MAOB: variants seen among roughly 807,000 people sequenced by gnomAD.
MAOB encodes the protein monoamine oxidase B, also known as amine oxidase [flavin-containing] B.
Under a neutral mutation model 41.9 loss-of-function variants are expected in MAOB, and 15 were observed. The observed-to-expected ratio is 0.36, with a 90% CI of 0.24 to 0.55. MAOB has a LOEUF of 0.55. Ranked by LOEUF, MAOB falls within the 20% of genes least tolerant of loss-of-function variation. The pLI is 0.86. For missense variants in MAOB, 345 were observed against 398.7 expected (o/e 0.87, Z 1.15); for synonymous variants, 167 against 144.2 (o/e 1.16, Z -1.13).
chrX:43,815,445 T>C (rs1256030937), intron 3 of MAOB, among the ~76,000 whole-genome samples: 1 of 111,832 alleles, frequency 8.9e-6, no homozygotes, highest in Admixed American at 9.5e-5. Context: ...TATCTACCAG[T>C]GTCAGCTTTT....
chrX:43,825,642 A>G (rs1337724609), intron 3 of MAOB, among the ~76,000 whole-genome samples: 1 of 111,935 alleles, frequency 8.9e-6, no homozygotes, highest in Middle Eastern at 4.2e-3. Context: ...TTATACATGC[A>G]TTTGGGAGAT....
chrX:43,776,738 C>T (rs1376134071), intron 11 of MAOB, among the ~76,000 whole-genome samples: 1 of 105,134 alleles, frequency 9.5e-6, no homozygotes, highest in Non-Finnish European at 2.0e-5. Context: ...TTAGGTATAT[C>T]TCCAAATGCT....
intron 1 of MAOB, among the ~76,000 whole-genome samples, chrX:43,859,574 T>C (rs976794373): frequency 3.6e-5 from 4 of 111,706 alleles, no homozygotes; most frequent in African/African-American, 1.3e-4. Context: ...AACCCGCCTA[T>C]ACACACACCT....
chrX:43,854,855 A>G (rs771020783), intron 1 of MAOB, among the ~76,000 whole-genome samples: 1 of 112,116 alleles, frequency 8.9e-6, no homozygotes, highest in Non-Finnish European at 1.9e-5. Flanking sequence ...CCAAGATTAT[A>G]CAAGTCCTAT....
At chrX:43,768,549 G>C (rs2034140367) in intron 14 of MAOB, 105 bp downstream of exon 14, 2 of 615,923 alleles carry the variant, frequency 3.2e-6, no homozygotes, top group Admixed American at 5.5e-5. Flanking sequence ...TCACTTAGTT[G>C]AATCACTTAG....
chrX:43,841,942 A>T (rs1390548454), intron 2 of MAOB, among the ~76,000 whole-genome samples: 1 of 111,914 alleles, frequency 8.9e-6, no homozygotes. Flanking sequence ...TTAAAGACTT[A>T]AACACGAGAC....
At chrX:43,843,357 T>TCTCA (rs1314609255) in intron 2 of MAOB, among the ~76,000 whole-genome samples, 41 of 83,734 alleles carry the variant, frequency 4.9e-4, no homozygotes, top group African/African-American at 1.8e-3. Context: ...TCTCTCTGTC[T>TCTCA]CACACACACA....
At chrX:43,775,856 T>C (rs2034249051) in intron 11 of MAOB, among the ~76,000 whole-genome samples, 1 of 112,523 alleles carries the variant, frequency 8.9e-6, no homozygotes, top group Non-Finnish European at 1.9e-5. Context: ...CTCAAATGCT[T>C]TTTTAAAGTA....
At chrX:43,815,647 T>C (rs2034803238) in intron 3 of MAOB, among the ~76,000 whole-genome samples, 1 of 112,283 alleles carries the variant, frequency 8.9e-6, no homozygotes, top group African/African-American at 3.2e-5. Context: ...GAGAAGGTAC[T>C]TGAAGCTTAC....
At chrX:43,870,002 A>G (rs1461577365) in intron 1 of MAOB, among the ~76,000 whole-genome samples, 1 of 111,829 alleles carries the variant, frequency 8.9e-6, no homozygotes, top group Non-Finnish European at 1.9e-5. Context: ...TCCATTGTCC[A>G]TTTTTTTTAT....
At chrX:43,839,899 A>G (rs1401201722) in intron 2 of MAOB, among the ~76,000 whole-genome samples, 2 of 112,311 alleles carry the variant, frequency 1.8e-5, no homozygotes, top group East Asian at 5.6e-4. Flanking sequence ...ACTGGGAGAG[A>G]TAAGATGTAC....
intron 3 of MAOB, among the ~76,000 whole-genome samples, chrX:43,828,790 AGCAAGTTGTGTAAAT>A (rs1325037716): frequency 6.3e-5 from 7 of 111,947 alleles, no homozygotes; most frequent in Non-Finnish European, 1.3e-4. Context: ...GGGCATCTTG[AGCAAGTTGTGTAAAT>A]GCCTTGTACT....
chrX:43,835,810 T>C (rs2035066225), intron 3 of MAOB, among the ~76,000 whole-genome samples: 2 of 112,128 alleles, frequency 1.8e-5, no homozygotes, highest in South Asian at 7.5e-4. Context: ...CATGAGCTAC[T>C]GTGCCCTTCC....
intron 5 of MAOB, among the ~76,000 whole-genome samples, chrX:43,798,806 A>G (rs1466687634): frequency 9.0e-6 from 1 of 111,149 alleles, no homozygotes; most frequent in East Asian, 2.8e-4. Context: ...CTCTTTCCAC[A>G]CTCCATTGTC....
At chrX:43,794,146 A>T (rs1447146922) in intron 7 of MAOB, among the ~76,000 whole-genome samples, 1 of 111,785 alleles carries the variant, frequency 8.9e-6, no homozygotes, top group Non-Finnish European at 1.9e-5. Context: ...AAGTGCTGGG[A>T]TTACAGGCGT....
chrX:43,844,005 A>G, intron 1 of MAOB: 1 of 776,575 alleles, frequency 1.3e-6, no homozygotes, highest in East Asian at 4.7e-5. Context: ...CTGCCACTAT[A>G]TCAAAATGTC....
At chrX:43,780,492 A>C (rs767012693) in intron 9 of MAOB, 97 bp from the exon 10 acceptor site, 1 of 545,847 alleles carries the variant, frequency 1.8e-6, no homozygotes, top group East Asian at 3.5e-5. Flanking sequence ...TACACAGTTA[A>C]GTCAACCAAA....
chrX:43,781,442 C>T lies in MAOB; in HGVS notation c.1025+6G>A. The stretch of plus-strand genomic sequence containing the variant: ...TAGCAGCCACAACACCATAATTGTG[C>T]CTTACCCCATTATGGCAGCATAGTT... On this transcript the variant is annotated splice_donor_region_variant and intron_variant, in intron 9 of 14. Transcript: ENST00000378069. 8.8e-7 allele frequency: 1 copy of T among 1,136,618 alleles called. No homozygotes were observed. Among genetic ancestry groups the T allele is most frequent in the Non-Finnish European group, 1.2e-6 (1 of 841,259 alleles). The allele number at this position is 1,136,618 out of a possible 1,213,427, so 93.7% of individuals were successfully genotyped here.
intron 3 of MAOB, among the ~76,000 whole-genome samples, chrX:43,811,772 G>A (rs1253953531): frequency 3.6e-5 from 4 of 111,551 alleles, no homozygotes; most frequent in African/African-American, 1.3e-4. Context: ...GGCATGCAAT[G>A]TGTAATAATC....
Sources: allele counts gnomAD v4.1 joint callset (sites outside exome capture counted in the v4.1 genomes callset), GRCh38; gene constraint gnomAD v4.1.1; transcripts MANE v1.5; gene names NCBI Gene and HGNC (gene_info 2026-07-23, HGNC 2026-07-21).